The following APBA2 variants were observed in gnomAD, a reference collection of about 807,000 sequenced individuals.
APBA2 encodes amyloid-beta A4 precursor protein-binding family A member 2.
APBA2 carries 30 observed loss-of-function variants against 75.0 expected under a neutral mutation model. That is an observed-to-expected ratio of 0.40 (90% CI 0.30 to 0.54). The LOEUF (loss-of-function observed/expected upper bound fraction) is 0.54, where lower values mean the gene tolerates loss of function less well. Among genes scored for constraint, APBA2 ranks in the 20% least tolerant of loss-of-function variants. APBA2 has a pLI of 0.49. For missense variants in APBA2, 801 were observed against 1,016.1 expected, an observed-to-expected ratio of 0.79 and a Z score of 2.88; for synonymous variants, 444 against 409.6, an observed-to-expected ratio of 1.08 and a Z score of -1.01.
chr15:28,919,969 C>G (rs2033887339), intron 1 of APBA2, among the ~76,000 whole-genome samples: 1 of 152,216 alleles, frequency 6.6e-6, no homozygotes, highest in Non-Finnish European at 1.5e-5. Flanking sequence ...ATGCTCCCTC[C>G]TCACCCAGCA....
intron 3 of APBA2, among the ~76,000 whole-genome samples, chr15:29,024,699 C>T (rs148245150): frequency 9.2e-5 from 14 of 152,254 alleles, no homozygotes; most frequent in South Asian, 2.1e-4. Context: ...TCTCATAGGA[C>T]GAGAATTTTT....
At chr15:28,978,342 C>G (rs1398760924) in intron 2 of APBA2, among the ~76,000 whole-genome samples, 1 of 152,208 alleles carries the variant, frequency 6.6e-6, no homozygotes, top group Admixed American at 6.5e-5. Flanking sequence ...TCACAGATGA[C>G]TATGAGAAGA....
chr15:28,900,347 T>A (rs1247278910), intron 1 of APBA2, among the ~76,000 whole-genome samples: 1 of 152,130 alleles, frequency 6.6e-6, no homozygotes, highest in African/African-American at 2.4e-5. Flanking sequence ...ATTGGGTGGA[T>A]CTTCAGGGAA....
At chr15:28,908,757 T>C (rs1355410836) in intron 1 of APBA2, among the ~76,000 whole-genome samples, 1 of 152,220 alleles carries the variant, frequency 6.6e-6, no homozygotes, top group Non-Finnish European at 1.5e-5. Context: ...GATATCTTAA[T>C]ATTTCTAGTT....
Position 29,016,272 on chromosome 15 carries a change from A to G in APBA2, c.-41+20466A>G, listed in dbSNP as rs138033727. On this transcript the variant is annotated intron_variant, in intron 3 of 14. Coordinates refer to ENST00000683413, the MANE Select transcript of APBA2 (RefSeq NM_001353788.2). ...CTCAGTCTCAAAAAACAAACAAACA[A>G]GCAGACAAACAAACATATCTACCTC... Among the ~76,000 whole-genome samples, 128 of 152,324 alleles carry G rather than the reference A, an allele frequency of 8.4e-4. 2 individuals carry two copies. In the East Asian group the frequency reaches 0.025, roughly 29 times the overall value.
At chr15:29,115,525 G>A (rs74007087) in intron 14 of APBA2, among the ~76,000 whole-genome samples, 2 of 152,148 alleles carry the variant, frequency 1.3e-5, no homozygotes, top group African/African-American at 4.8e-5. Flanking sequence ...CCCCACACCT[G>A]TGAGGAAATC....
chr15:28,904,028 T>C (rs996674151), intron 1 of APBA2, among the ~76,000 whole-genome samples: 1 of 152,326 alleles, frequency 6.6e-6, no homozygotes, highest in East Asian at 1.9e-4. Context: ...TATAGGCAAC[T>C]TCATATGCCT....
At chr15:28,900,956 C>T (rs1172631022) in intron 1 of APBA2, among the ~76,000 whole-genome samples, 1 of 152,194 alleles carries the variant, frequency 6.6e-6, no homozygotes, top group African/African-American at 2.4e-5. Flanking sequence ...CCCTGGATCC[C>T]AGCACCTGGC....
chr15:28,919,640 T>C (rs980899932), intron 1 of APBA2, among the ~76,000 whole-genome samples: 12 of 152,086 alleles, frequency 7.9e-5, no homozygotes, highest in Non-Finnish European at 1.8e-4. Flanking sequence ...CCTGAACAGC[T>C]TCATCAGCAC....
chr15:29,031,070 T>C (rs7164138), intron 3 of APBA2, among the ~76,000 whole-genome samples: 29,686 of 152,112 alleles, frequency 0.2, 3,864 homozygotes, highest in African/African-American at 0.36. Context: ...TATTGCCATA[T>C]GAGCCTTCTT....
At chr15:28,924,827 A>G (rs758267378) in intron 2 of APBA2, among the ~76,000 whole-genome samples, 1 of 152,056 alleles carries the variant, frequency 6.6e-6, no homozygotes, top group Non-Finnish European at 1.5e-5. Flanking sequence ...TTTTCCAGGA[A>G]CTGCCAAACT....
intron 2 of APBA2, among the ~76,000 whole-genome samples, chr15:28,972,375 G>A (rs958968280): frequency 3.9e-5 from 6 of 152,168 alleles, no homozygotes; most frequent in African/African-American, 1.4e-4. Flanking sequence ...GCCATTCCGG[G>A]AATGGTTGAC....
chr15:29,103,639 G>A (rs2044245073), intron 10 of APBA2, among the ~76,000 whole-genome samples: 1 of 152,186 alleles, frequency 6.6e-6, no homozygotes, highest in Non-Finnish European at 1.5e-5. Context: ...TGGAGCTTCC[G>A]CGGGGGCGGA....
intron 4 of APBA2, among the ~76,000 whole-genome samples, chr15:29,056,004 T>G (rs1436243904): frequency 6.6e-6 from 1 of 152,104 alleles, no homozygotes; most frequent in African/African-American, 2.4e-5. Flanking sequence ...AAGCAAAGTG[T>G]TTCTTTGGTC....
At chr15:28,973,491 C>T (rs952096291) in intron 2 of APBA2, among the ~76,000 whole-genome samples, 3 of 152,134 alleles carry the variant, frequency 2.0e-5, no homozygotes, top group African/African-American at 7.2e-5. Context: ...ACTGAAAACA[C>T]TGTTGTCACA....
chr15:29,052,241 G>A (rs1165576974), intron 3 of APBA2, among the ~76,000 whole-genome samples: 1 of 151,960 alleles, frequency 6.6e-6, no homozygotes, highest in African/African-American at 2.4e-5. Context: ...GGATCACGAG[G>A]TCAGGAGATC....
chr15:29,022,723 T>C (rs939926184), intron 3 of APBA2, among the ~76,000 whole-genome samples: 3 of 152,212 alleles, frequency 2.0e-5, no homozygotes, highest in African/African-American at 7.2e-5. Flanking sequence ...TTTCTGCAAT[T>C]GTTTCCTCTG....
In APBA2 at chr15:29,117,420, G is replaced by C; in HGVS notation, c.*287G>C. On this transcript the variant is annotated 3_prime_UTR_variant, in exon 15 of 15. Coordinates refer to ENST00000683413, the MANE Select transcript of APBA2 (RefSeq NM_001353788.2). ...CCTGCACAAGCCAGGGTGTGTCTCG[G>C]TAGCTGTGCGTGGTGTGGAGTGTGT... is the stretch of plus-strand genomic sequence containing the variant. 4.0e-6 allele frequency: 2 copies of C among 505,180 alleles called. No homozygotes were observed. The highest frequency in any genetic ancestry group is 7.2e-6 in the Non-Finnish European group (2 of 277,164). 31.3% of individuals were successfully genotyped at this position (505,180 alleles called of 1,614,324 possible). A position where few individuals can be genotyped will look rare whatever the true frequency, so the allele number is the denominator to read the frequency against.
chr15:28,896,596 G>A (rs891251950), intron 1 of APBA2, among the ~76,000 whole-genome samples: 1 of 152,132 alleles, frequency 6.6e-6, no homozygotes, highest in African/African-American at 2.4e-5. Context: ...TTATTGTGAT[G>A]TAGAGAAACC....
Sources: allele counts gnomAD v4.1 joint callset (sites outside exome capture counted in the v4.1 genomes callset), GRCh38; gene constraint gnomAD v4.1.1; transcripts MANE v1.5; gene names NCBI Gene and HGNC (gene_info 2026-07-23, HGNC 2026-07-21).